The following SNAPC5 variants were observed in gnomAD, a reference collection of about 807,000 sequenced individuals.
SNAPC5 encodes snRNA-activating protein complex subunit 5.
In SNAPC5, 12 loss-of-function variants were observed where a neutral mutation model predicts 9.1. The observed-to-expected ratio is 1.32, with a 90% CI of 0.85 to 2.15. SNAPC5 has a LOEUF of 2.15. SNAPC5 is among the 30% of genes most tolerant of loss of function. The pLI is 0.00. For missense variants in SNAPC5, 132 were observed against 114.4 expected, an observed-to-expected ratio of 1.15 and a Z score of -0.70; for synonymous variants, 52 against 47.3, an observed-to-expected ratio of 1.10 and a Z score of -0.41.
At position 66,494,135 on chromosome 15, in the gene SNAPC5, C is replaced by G. The variant is rs1893345806; in HGVS notation, c.*301G>C. ...TCTTTTTGCAAATGACAGACTTTCT[C>G]AACAGTATTTCAGAGGAAATTTTGT... On this transcript the variant is annotated 3_prime_UTR_variant, in exon 3 of 3. Transcript: ENST00000316634. The G allele has an allele frequency of 3.8e-6, 1 of 263,440 alleles. No individual in the cohort carries two copies. The highest frequency in any genetic ancestry group is 6.4e-5 in the South Asian group (1 of 15,720). The allele number at this position is 263,440 out of a possible 1,614,324, so 16.3% of individuals were successfully genotyped here. A position where few individuals can be genotyped will look rare whatever the true frequency, so the allele number is the denominator to read the frequency against.
chr15:66,492,311 A>C (rs183391943), downstream of SNAPC5: 154 of 251,596 alleles, frequency 6.1e-4, no homozygotes, highest in Non-Finnish European at 1.1e-3. Context: ...TTTAGATTAA[A>C]AACAAAACTT....
At chr15:66,494,910 C>T (rs1893376094) in intron 2 of SNAPC5, 1 of 304,258 alleles carries the variant, frequency 3.3e-6, no homozygotes, top group Admixed American at 4.6e-5. Context: ...TACTTGAGGG[C>T]ATTTGGTAAG....
In SNAPC5 at chr15:66,497,716, G is replaced by A; in HGVS notation, c.16C>T (p.Gln6Ter). The change falls in exon 1 of 3, where the codon CAG (glutamine) becomes TAG (stop). Residue 6 changes from glutamine (Q) to a stop codon, truncating the protein, a stop_gained. Coordinates refer to ENST00000316634, the MANE Select transcript of SNAPC5 (RefSeq NM_001329615.2). LOFTEE classifies it high-confidence loss of function. MLSRL[Q>*]ELRKEEETLL... is the part of the protein sequence containing the mutation. ...GTCTCCTCCTCCTTGCGCAGTTCCT[G>A]AAGCCGGCTCAGCATGTTGCCTGGT... The A allele has an allele frequency of 6.2e-7, 1 of 1,613,238 alleles. No individual in the cohort carries two copies. Among genetic ancestry groups the A allele is most frequent in the East Asian group, 2.2e-5 (1 of 44,876 alleles).
Position 66,494,228 on chromosome 15 carries a change from CA to C in SNAPC5, c.*207del. ...ACCCATATTACTCAATGCTAAGACA[CA>C]GCATCTTTGATTTTCTGTATGTCAT... On this transcript the variant is annotated 3_prime_UTR_variant, in exon 3 of 3. Transcript: ENST00000316634. The C allele has an allele frequency of 1.7e-6, 1 of 600,358 alleles. No homozygotes were observed. Among genetic ancestry groups the C allele is most frequent in the Non-Finnish European group, 3.0e-6 (1 of 331,918 alleles). 37.2% of individuals were successfully genotyped at this position (600,358 alleles called of 1,614,324 possible).
chr15:66,495,129 A>C (rs1893382484), intron 2 of SNAPC5: 2 of 586,086 alleles, frequency 3.4e-6, no homozygotes, highest in South Asian at 2.1e-5. Flanking sequence ...GTAACTACTT[A>C]ATTAATTAGT....
chr15:66,496,199 C>T (rs1209020962), intron 1 of SNAPC5, among the ~76,000 whole-genome samples: 2 of 152,236 alleles, frequency 1.3e-5, no homozygotes, highest in African/African-American at 4.8e-5. Flanking sequence ...AGCCCAGTGG[C>T]TCACGCCTGT....
intron 1 of SNAPC5, among the ~76,000 whole-genome samples, chr15:66,496,680 G>A (rs1435224155): frequency 1.3e-5 from 2 of 151,460 alleles, no homozygotes; most frequent in African/African-American, 2.4e-5. Context: ...GCACCACCAC[G>A]CTCAGCTAAT....
At chr15:66,491,297 T>C (rs1893249232), downstream of SNAPC5, 1 of 234,728 alleles carries the variant, frequency 4.3e-6, no homozygotes, top group Non-Finnish European at 8.4e-6. Context: ...TACTTAGTGG[T>C]ATGTCTCTTT....
Position 66,494,431 on chromosome 15 carries a change from C to T in SNAPC5, c.*5G>A. The T allele has an allele frequency of 5.0e-6, 8 of 1,596,538 alleles. No individual in the cohort carries two copies. The highest frequency in any genetic ancestry group is 6.0e-6 in the Non-Finnish European group (7 of 1,166,786). On this transcript the variant is annotated 3_prime_UTR_variant, in exon 3 of 3. Coordinates refer to ENST00000316634, the MANE Select transcript of SNAPC5 (RefSeq NM_001329615.2). ...ATAACTGACCAGCCTGGCTTTCCCC[C>T]TCCTTTAGGAATCTGATTCTTCTTC...
In SNAPC5 at chr15:66,493,733, A is replaced by C. The variant is rs1477562580; in HGVS notation, c.*703T>G. 6.6e-6 allele frequency: 1 copy of C among 152,242 alleles called. No homozygotes were observed. The highest frequency in any genetic ancestry group is 1.5e-5 in the Non-Finnish European group (1 of 68,046). 9.4% of individuals were successfully genotyped at this position (152,242 alleles called of 1,614,324 possible). On this transcript the variant is annotated 3_prime_UTR_variant, in exon 3 of 3. Coordinates refer to ENST00000316634, the MANE Select transcript of SNAPC5 (RefSeq NM_001329615.2). ...CATCTCTCTTAAGGACCAGAAATGG[A>C]TTTCAAACCATCCTGTTGTATCTTT...
downstream of SNAPC5, chr15:66,490,440 C>G: frequency 8.2e-7 from 1 of 1,217,608 alleles, no homozygotes; most frequent in Non-Finnish European, 1.2e-6. Context: ...ATTTTCCTTC[C>G]TGGTGGGTTT....
downstream of SNAPC5, chr15:66,490,304 G>A (rs569243427): frequency 2.5e-4 from 174 of 692,530 alleles, no homozygotes; most frequent in East Asian, 5.5e-5. Flanking sequence ...ACTTGCCCAA[G>A]GCCTCACAGC....
Position 66,497,651 on chromosome 15 carries a change from G to A in SNAPC5, c.81C>T (p.Asn27=). ...AGGGCCGCGGGGTCACCTTGAGGCG[G>A]TTCAGCTGGTCGTGCAGGGCTGCCT... ...RLKAALHDQL[N]RLKVEELALQ... The change falls in exon 1 of 3, where the codon AAC becomes AAT. Residue 27 remains asparagine (N), a synonymous_variant. Coordinates refer to ENST00000316634, the MANE Select transcript of SNAPC5 (RefSeq NM_001329615.2). The A allele has an allele frequency of 6.2e-7, 1 of 1,614,024 alleles. No individual in the cohort carries two copies.
At chr15:66,494,816 G>A (rs1893373117) in intron 2 of SNAPC5, 1 of 407,396 alleles carries the variant, frequency 2.5e-6, no homozygotes. Flanking sequence ...ACTTACATGT[G>A]CTGCTGTATC....
chr15:66,496,291 C>G (rs1390396435), intron 1 of SNAPC5, among the ~76,000 whole-genome samples: 1 of 151,774 alleles, frequency 6.6e-6, no homozygotes, highest in Non-Finnish European at 1.5e-5. Flanking sequence ...CATGGTGAAA[C>G]CCCGTCTCTA....
chr15:66,490,358 C>T (rs76511608), downstream of SNAPC5: 148 of 750,228 alleles, frequency 2.0e-4, no homozygotes, highest in African/African-American at 2.3e-3. Context: ...CAGCTGGCCC[C>T]ACTGTTGCTC....
downstream of SNAPC5, chr15:66,491,177 C>T: frequency 3.7e-6 from 1 of 271,576 alleles, no homozygotes; most frequent in South Asian, 9.0e-5. Context: ...CCAAATCTAG[C>T]CAGAGCCCTT....
In SNAPC5 at chr15:66,495,747, T is replaced by G. The variant is rs573445547; in HGVS notation, c.91-328A>C. On this transcript the variant is annotated intron_variant, in intron 1 of 2. Coordinates refer to ENST00000316634, the MANE Select transcript of SNAPC5 (RefSeq NM_001329615.2). ...TCATCTGATTCCTCAGAGAGAGAGA[T>G]TCCCTGGACCTGAGGCTGTTACTCA... 3.3e-5 allele frequency among the ~76,000 whole-genome samples: 5 copies of G among 150,370 alleles called. No homozygotes were observed. The South Asian group carries it at 8.5e-4, about 26-fold the overall frequency.
At chr15:66,494,800 G>C (rs900885505) in intron 2 of SNAPC5, 2 of 432,036 alleles carry the variant, frequency 4.6e-6, no homozygotes, top group Admixed American at 4.0e-5. Context: ...CATAAGATTT[G>C]TGCCAACTTA....
Sources: gnomAD v4.1 joint callset for allele counts (sites outside exome capture counted in the v4.1 genomes callset) on GRCh38, gnomAD v4.1.1 for gene constraint, MANE v1.5 for transcripts, NCBI Gene and HGNC (gene_info 2026-07-23, HGNC 2026-07-21) for gene names.